CHD4: variants seen among roughly 807,000 people sequenced by gnomAD.
CHD4 encodes chromodomain helicase DNA binding protein 4.
A neutral mutation model predicts 235.5 loss-of-function variants in CHD4; 35 were observed. That is an observed-to-expected ratio of 0.15 (90% confidence interval 0.11 to 0.20). The LOEUF is 0.20. Among genes scored for constraint, CHD4 ranks in the 10% least tolerant of loss-of-function variants. CHD4 has a pLI of 1.00. For synonymous variants in CHD4, 900 were observed against 850.2 expected (o/e 1.06, Z -1.02); for missense variants, 1,329 against 2,432.3 (o/e 0.55, Z 9.54).
intron 18 of CHD4, 24 bp downstream of exon 18, chr12:6,592,672 G>A (rs374348464): frequency 3.0e-5 from 49 of 1,609,354 alleles, no homozygotes; most frequent in Non-Finnish European, 3.6e-5. Context: ...ATTATGAGCC[G>A]ATTACAGATA....
intron 17 of CHD4, 56 bp from the exon 18 acceptor site, chr12:6,592,873 C>A: frequency 1.3e-6 from 2 of 1,576,338 alleles, no homozygotes; most frequent in South Asian, 1.1e-5. Context: ...TCTAGCAAAT[C>A]TCTACAAAAT....
Position 6,573,285 on chromosome 12 carries a change from G to A in CHD4, c.5362-16C>T, listed in dbSNP as rs370479507. 1 of 1,524,682 alleles carries A rather than the reference G, an allele frequency of 6.6e-7. No individual in the cohort carries two copies. The highest frequency in any genetic ancestry group is 8.7e-7 in the Non-Finnish European group (1 of 1,142,954). The allele number at this position is 1,524,682 out of a possible 1,614,324, so 94.4% of individuals were successfully genotyped here. ...GTTCTAAGAGCTGGACAAGGGATAAGAGGAAACGGGAGTTCGACTGATAAC... is the reference window on the plus strand; with the variant it reads ...GTTCTAAGAGCTGGACAAGGGATAAAAGGAAACGGGAGTTCGACTGATAAC... On this transcript the variant is annotated splice_polypyrimidine_tract_variant and intron_variant, in intron 37 of 39. Coordinates refer to ENST00000544040, the MANE Select transcript of CHD4 (RefSeq NM_001273.5).
chr12:6,583,527 G>A, intron 25 of CHD4, 149 bp from the exon 26 acceptor site: 2 of 662,754 alleles, frequency 3.0e-6, no homozygotes, highest in South Asian at 2.0e-5. Flanking sequence ...GAACTTAGAA[G>A]AAATTTGATT....
At chr12:6,586,618 C>A (rs1035532668) in intron 25 of CHD4, among the ~76,000 whole-genome samples, 1 of 151,980 alleles carries the variant, frequency 6.6e-6, no homozygotes. Flanking sequence ...ACTCTTCAGC[C>A]CAAGAGTTTA....
chr12:6,602,330 C>T lies in CHD4; in HGVS notation c.222+46G>A, dbSNP rs200556426. 118 of 1,610,386 alleles carry T rather than the reference C, an allele frequency of 7.3e-5. 1 individual carries two copies. Among genetic ancestry groups the T allele is most frequent in the South Asian group, 8.8e-5 (8 of 90,432 alleles). On this transcript the variant is annotated intron_variant, in intron 3 of 39. Coordinates refer to ENST00000544040, the MANE Select transcript of CHD4 (RefSeq NM_001273.5). Reference sequence around the variant, plus strand: ...AGCCCTTCAACCCTTCTCAGAGCTCCTCCCTTCTTCCTCTGATTCCCCGTA... The same window carrying T: ...AGCCCTTCAACCCTTCTCAGAGCTCTTCCCTTCTTCCTCTGATTCCCCGTA...
In CHD4 at chr12:6,581,965, G is replaced by A. The variant is rs1002238404; in HGVS notation, c.4516-151C>T. Reference sequence around the variant, plus strand: ...ATACAGGTGCCCGCCACCACGTGCAGCTAATTTTTGTATTTTTAGTAGAGA... The same window carrying A: ...ATACAGGTGCCCGCCACCACGTGCAACTAATTTTTGTATTTTTAGTAGAGA... On this transcript the variant is annotated intron_variant, in intron 30 of 39. Coordinates refer to ENST00000544040, the MANE Select transcript of CHD4 (RefSeq NM_001273.5). The A allele has an allele frequency of 7.8e-6, 9 of 1,155,594 alleles. No individual in the cohort carries two copies. In the African/African-American group the frequency reaches 1.1e-4, roughly 14 times the overall value. 71.6% of individuals were successfully genotyped at this position (1,155,594 alleles called of 1,614,324 possible). A position where few individuals can be genotyped will look rare whatever the true frequency, so the allele number is the denominator to read the frequency against.
chr12:6,597,864 C>A (rs1207657648), intron 12 of CHD4, 30 bp downstream of exon 12: 11 of 1,601,690 alleles, frequency 6.9e-6, no homozygotes, highest in Non-Finnish European at 9.4e-6. Flanking sequence ...CCCACGGAGA[C>A]TGCCCGTCTC....
At chr12:6,572,962 C>CTTT (rs1342836490) in intron 38 of CHD4, 112 bp downstream of exon 38, 22 of 1,102,114 alleles carry the variant, frequency 2.0e-5, no homozygotes, top group Non-Finnish European at 2.9e-5. Context: ...CTAGCACCTC[C>CTTT]TAAACTCCCA....
intron 25 of CHD4, among the ~76,000 whole-genome samples, chr12:6,586,615 A>C (rs943672075): frequency 6.6e-5 from 10 of 152,128 alleles, no homozygotes; most frequent in African/African-American, 2.2e-4. Context: ...GTCACTCTTC[A>C]GCCCAAGAGT....
At position 6,595,408 on chromosome 12, in the gene CHD4, C is replaced by T; in HGVS notation, c.2047G>A (p.Gly683Ser). ...TTCTTGAGCTTCTTGCCTGGTCGGC[C>T]TTCCTCACCCCTCATTAACTCCCTA... ...NHRELMRGEE[G>S]RPGKKLKKVK... is the part of the protein sequence containing the mutation. Residue 683 changes from glycine (G) to serine (S), a missense_variant, in exon 14 of 40, where the codon GGC (glycine) becomes AGC (serine). Gly to Ser is a moderately conservative substitution (Grantham distance 56). Transcript: ENST00000544040. The T allele has an allele frequency of 6.2e-7, 1 of 1,614,016 alleles. No individual in the cohort carries two copies. The highest frequency in any genetic ancestry group is 1.3e-5 in the African/African-American group (1 of 75,022).
Position 6,602,107 on chromosome 12 carries a change from T to TTCC in CHD4, c.288_290dup (p.Glu98dup), listed in dbSNP as rs1565619262. ...CACTGTCTGAGCGCAGAGCCACCTC[T>TTCC]TCCTCCTCCTCCACAAACTCTGGCC... On this transcript the variant is annotated inframe_insertion, in exon 4 of 40. Coordinates refer to ENST00000544040, the MANE Select transcript of CHD4 (RefSeq NM_001273.5). 1.9e-6 allele frequency: 3 copies of TTCC among 1,613,604 alleles called. No homozygotes were observed. The highest frequency in any genetic ancestry group is 2.5e-6 in the Non-Finnish European group (3 of 1,179,868).
rs763316829 is a variant in CHD4, at chr12:6,581,164, C to G, written c.4789G>C (p.Ala1597Pro). 6.2e-7 allele frequency: 1 copy of G among 1,613,810 alleles called. No homozygotes were observed. Among genetic ancestry groups the G allele is most frequent in the Admixed American group, 1.7e-5 (1 of 59,918 alleles). The change falls in exon 33 of 40, where the codon GCC (alanine) becomes CCC (proline). Residue 1597 changes from alanine (A) to proline (P), a missense_variant. Physicochemically the swap from Ala to Pro is conservative, Grantham distance 27. This residue lies in a region of CHD4 where 219 missense variants were observed against 219.3 expected (regional missense o/e 1.00). Coordinates refer to ENST00000544040, the MANE Select transcript of CHD4 (RefSeq NM_001273.5). ...TCATCCTCTGAGGCAGGGGCAGGGG[C>G]CTGTGTACACTTCAAAGGAAAAAAA... Reference protein sequence around the residue: ...APETAIECTQAPAPASEDEKV... With the variant: ...APETAIECTQPPAPASEDEKV...
rs748388806 is a variant in CHD4, at chr12:6,590,799, C to T, written c.3340+667G>A. On this transcript the variant is annotated intron_variant, in intron 22 of 39. Coordinates refer to ENST00000544040, the MANE Select transcript of CHD4 (RefSeq NM_001273.5). The stretch of plus-strand genomic sequence containing the variant: ...TGATTGTGCCACTGCTCTCCAGCCT[C>T]GGCAACAGAGTGAGACCCTATCTCG... Among the ~76,000 whole-genome samples, 51 of 152,008 alleles carry T rather than the reference C, an allele frequency of 3.4e-4. 1 individual carries two copies. The South Asian group carries it at 4.4e-3, about 13-fold the overall frequency.
intron 22 of CHD4, among the ~76,000 whole-genome samples, chr12:6,588,700 C>G (rs1228299826): frequency 3.3e-5 from 5 of 151,852 alleles, no homozygotes; most frequent in Non-Finnish European, 7.4e-5. Context: ...ACCGCTTGAA[C>G]CTGGTAGGCA....
At chr12:6,573,007 A>G (rs1948003784) in intron 38 of CHD4, 67 bp downstream of exon 38, 1 of 1,447,510 alleles carries the variant, frequency 6.9e-7, no homozygotes, top group Admixed American at 2.4e-5. Context: ...AAACAAATAT[A>G]TGTACATTAG....
rs749557139 is a variant in CHD4 at position 6,599,971 on chromosome 12, C to T, written c.1284G>A (p.Ser428=). Residue 428 remains serine, a synonymous_variant, in exon 10 of 40, where the codon TCG becomes TCA. Coordinates refer to ENST00000544040, the MANE Select transcript of CHD4 (RefSeq NM_001273.5). ...CCTCTTCCAGGATCTCCTCACCCTC[C>T]GAATTGTCCTCTTTAGCTTCCCACT... The part of the protein sequence containing the change: ...GIQWEAKEDN[S]EGEEILEEVG... 8 of 1,614,168 alleles carry T rather than the reference C, an allele frequency of 5.0e-6. No homozygotes were observed. Among genetic ancestry groups the T allele is most frequent in the East Asian group, 2.2e-5 (1 of 44,880 alleles).
rs1948439062 is a variant in CHD4 at position 6,593,727 on chromosome 12, G to A, written c.2314-111C>T. The A allele has an allele frequency of 2.2e-6, 2 of 916,090 alleles. No individual in the cohort carries two copies. Among genetic ancestry groups the A allele is most frequent in the East Asian group, 2.5e-5 (1 of 39,970 alleles). The allele number at this position is 916,090 out of a possible 1,614,324, so 56.7% of individuals were successfully genotyped here. A position where few individuals can be genotyped will look rare whatever the true frequency, so the allele number is the denominator to read the frequency against. ...AGCTGAGCCAAGGACTGACACACCT[G>A]CGCTGCTGCTCCTGCTCTCACCTTC... On this transcript the variant is annotated intron_variant, in intron 15 of 39. Transcript: ENST00000544040. This position sits in a 1 kb window ranked among gnomAD's most constrained non-coding sequence, Gnocchi z 4.9.
intron 8 of CHD4, 23 bp from the exon 9 acceptor site, chr12:6,600,418 C>T: frequency 4.3e-6 from 7 of 1,612,500 alleles, no homozygotes; most frequent in Non-Finnish European, 5.9e-6. Context: ...GAGGGAAAGC[C>T]CAGTTATTGG....
intron 37 of CHD4, among the ~76,000 whole-genome samples, chr12:6,577,265 C>CA (rs74687199): frequency 0.18 from 27,896 of 151,278 alleles, 3,219 homozygotes; most frequent in Non-Finnish European, 0.25. Flanking sequence ...ACTAAAAATC[C>CA]AAAAAAAACA....
Sources: allele counts gnomAD v4.1 joint callset (sites outside exome capture counted in the v4.1 genomes callset), GRCh38; gene constraint gnomAD v4.1.1; regional missense constraint gnomAD v4.1.1; non-coding constraint Gnocchi (gnomAD v3.1); transcripts MANE v1.5; gene names NCBI Gene and HGNC (gene_info 2026-07-23, HGNC 2026-07-21).